ITGA6: variants seen among roughly 807,000 people sequenced by gnomAD.
ITGA6 encodes the protein integrin alpha-6.
ITGA6 carries 63 observed loss-of-function variants against 133.6 expected under a neutral mutation model. The observed-to-expected ratio is 0.47, with a 90% CI of 0.38 to 0.58. ITGA6 has a LOEUF of 0.58. Among genes scored for constraint, ITGA6 ranks in the 20% least tolerant of loss-of-function variants. The pLI is 0.00. For synonymous variants in ITGA6, 434 were observed against 482.0 expected, an observed-to-expected ratio of 0.90 and a Z score of 1.30; for missense variants, 1,068 against 1,309.4, an observed-to-expected ratio of 0.82 and a Z score of 2.85.
At position 172,427,914 on chromosome 2, in the gene ITGA6, C is replaced by A. The variant is rs1194508063; in HGVS notation, c.126C>A (p.Ser42Arg). The change falls in exon 1 of 26, where the codon AGC becomes AGA. Residue 42 changes from serine (S) to arginine (R), a missense_variant. Transcript: ENST00000684293. ...TCCGGAAATATGGAGACCCCGGGAG[C>A]CTCTTCGGCTTCTCGCTGGCCATGC... ...NVIRKYGDPGSLFGFSLAMHW... is the reference protein window; with the variant it reads ...NVIRKYGDPGRLFGFSLAMHW... 3 of 1,607,014 alleles carry A rather than the reference C, an allele frequency of 1.9e-6. No individual in the cohort carries two copies. The highest frequency in any genetic ancestry group is 3.4e-5 in the Admixed American group (2 of 59,074).
chr2:172,476,163 G>T (rs575058524), intron 8 of ITGA6, among the ~76,000 whole-genome samples: 1 of 152,296 alleles, frequency 6.6e-6, no homozygotes, highest in South Asian at 2.1e-4. Context: ...AAGCTCATCA[G>T]AAATGGGCTC....
At position 172,485,040 on chromosome 2, in the gene ITGA6, A is replaced by G. The variant is rs115202773; in HGVS notation, c.1711-81A>G. 7.7e-4 allele frequency: 1,230 copies of G among 1,591,972 alleles called. 4 individuals carry two copies. The African/African-American group carries it at 0.011, about 14-fold the overall frequency. On this transcript the variant is annotated intron_variant, in intron 12 of 25. Coordinates refer to ENST00000684293, the MANE Select transcript of ITGA6 (RefSeq NM_000210.4). ...CTGAAATTTATTCTGGCAACCTCTT[A>G]ATCAATACAAAATCATTGTTTTGGA...
intron 1 of ITGA6, among the ~76,000 whole-genome samples, chr2:172,452,682 C>A (rs10197251): frequency 0.11 from 16,132 of 152,200 alleles, 1,669 homozygotes; most frequent in East Asian, 0.52. Flanking sequence ...AAATTAGAAA[C>A]AAAGTTCAAG....
chr2:172,459,221 G>A (rs181320684), intron 1 of ITGA6, among the ~76,000 whole-genome samples: 146 of 152,324 alleles, frequency 9.6e-4, no homozygotes, highest in African/African-American at 3.3e-3. Context: ...AGAACGTGGT[G>A]GAGCACGGTG....
chr2:172,490,176 C>T (rs1686860414), intron 20 of ITGA6, among the ~76,000 whole-genome samples: 1 of 152,126 alleles, frequency 6.6e-6, no homozygotes, highest in African/African-American at 2.4e-5. Flanking sequence ...CTGGATGGTC[C>T]TATGAGGGCG....
intron 25 of ITGA6, chr2:172,503,730 C>A (rs1392658300): frequency 6.4e-6 from 1 of 156,744 alleles, no homozygotes; most frequent in African/African-American, 2.4e-5. Flanking sequence ...AAAAATTATT[C>A]TTAATCTAAT....
At position 172,504,256 on chromosome 2, in the gene ITGA6, G is replaced by C. The variant is rs1687469939; in HGVS notation, c.*188G>C. On this transcript the variant is annotated 3_prime_UTR_variant, in exon 26 of 26. Coordinates refer to ENST00000684293, the MANE Select transcript of ITGA6 (RefSeq NM_000210.4). ...CGAAAATGAAAGCTACTCATAGCGG[G>C]GGCCTAAAAAAAAAAAGCTTCACAG... The C allele has an allele frequency of 6.5e-7, 1 of 1,540,592 alleles. No homozygotes were observed. Among genetic ancestry groups the C allele is most frequent in the African/African-American group, 1.4e-5 (1 of 70,434 alleles).
At chr2:172,465,456 C>A in intron 1 of ITGA6, 83 bp from the exon 2 acceptor site, 1 of 1,500,728 alleles carries the variant, frequency 6.7e-7, no homozygotes, top group Non-Finnish European at 9.2e-7. Context: ...AAGAATAATC[C>A]CACTATCTCC....
chr2:172,449,680 T>A (rs1684903606), intron 1 of ITGA6, among the ~76,000 whole-genome samples: 1 of 152,104 alleles, frequency 6.6e-6, no homozygotes, highest in African/African-American at 2.4e-5. Flanking sequence ...GTGTGGTGGT[T>A]CACGCCTATA....
chr2:172,465,669 T>C lies in ITGA6; in HGVS notation c.307+6T>C. The C allele has an allele frequency of 1.2e-6, 2 of 1,614,124 alleles. No homozygotes were observed. Among genetic ancestry groups the C allele is most frequent in the South Asian group, 2.2e-5 (2 of 91,084 alleles). ...GATCGAGTTTGATAACGATGGTGCGTTCCTTTCCCTCACTCAGCGTTCACT... is the reference window on the plus strand; with the variant it reads ...GATCGAGTTTGATAACGATGGTGCGCTCCTTTCCCTCACTCAGCGTTCACT... On this transcript the variant is annotated splice_donor_region_variant and intron_variant, in intron 2 of 25. Transcript: ENST00000684293.
rs1304448004 is a variant in ITGA6, at chr2:172,484,942, G to C, written c.1710G>C (p.Gln570His). The change falls in exon 12 of 26, where the codon CAG becomes CAC. Residue 570 changes from glutamine (Q) to histidine (H), a missense_variant and splice_region_variant. By Grantham distance (24) the Gln-to-His change is conservative. Coordinates refer to ENST00000684293, the MANE Select transcript of ITGA6 (RefSeq NM_000210.4). ...GCATGGAGGAAACCCTGTGGCTACA[G>C]GTGAGGGCTGCAGATGGTCACATCT... Reference protein sequence around the residue: ...KVCMEETLWLQDNIRDKLRPI... With the variant: ...KVCMEETLWLHDNIRDKLRPI... 6.2e-7 allele frequency: 1 copy of C among 1,614,118 alleles called. No homozygotes were observed. Among genetic ancestry groups the C allele is most frequent in the Non-Finnish European group, 8.5e-7 (1 of 1,179,942 alleles).
rs1684779652 is a variant in ITGA6, at chr2:172,446,634, C to T, written c.182+18664C>T. ...AAAGGAAAACTCACTAGAGATTGGACTCCAAATCACAAATGTCATTTGGCA... is the reference window on the plus strand; with the variant it reads ...AAAGGAAAACTCACTAGAGATTGGATTCCAAATCACAAATGTCATTTGGCA... On this transcript the variant is annotated intron_variant, in intron 1 of 25. Transcript: ENST00000684293. 2.0e-5 allele frequency among the ~76,000 whole-genome samples: 3 copies of T among 152,220 alleles called. No individual in the cohort carries two copies. In the South Asian group the frequency reaches 6.2e-4, roughly 31 times the overall value.
At position 172,472,760 on chromosome 2, in the gene ITGA6, G is replaced by C. The variant is rs779062541; in HGVS notation, c.776-1295G>C. 38 of 1,519,570 alleles carry C rather than the reference G, an allele frequency of 2.5e-5. 1 individual carries two copies. In the Admixed American group the frequency reaches 6.2e-4, roughly 25 times the overall value. The allele number at this position is 1,519,570 out of a possible 1,614,324, so 94.1% of individuals were successfully genotyped here. ...CTTTTTCTTCAATTTCTTCCGTCCC[G>C]TGCATGCGTACAGGCCTGCTGTTTT... On this transcript the variant is annotated intron_variant, in intron 5 of 25. Transcript: ENST00000684293.
Position 172,474,262 on chromosome 2 carries a change from A to G in ITGA6, c.983A>G (p.Asp328Gly), listed in dbSNP as rs1686067388. The G allele has an allele frequency of 1.9e-6, 3 of 1,613,256 alleles. No homozygotes were observed. Among genetic ancestry groups the G allele is most frequent in the Non-Finnish European group, 2.5e-6 (3 of 1,179,506 alleles). The change falls in exon 6 of 26, where the codon GAT becomes GGT. Residue 328 changes from aspartate (D) to glycine (G), a missense_variant. By Grantham distance (94) the Asp-to-Gly change is moderately conservative. This residue lies in a region of ITGA6 where 317 missense variants were observed against 456.9 expected (regional missense o/e 0.69). Transcript: ENST00000684293. ...GTGGCGGTGGTGGACCTCAACAAGG[A>G]TGGGTGAGAAAGCCTCAGGTTATAT... ...YDVAVVDLNKDGWQDIVIGAP... is the reference protein window; with the variant it reads ...YDVAVVDLNKGGWQDIVIGAP...
chr2:172,493,080 G>GT (rs11297197), intron 23 of ITGA6, among the ~76,000 whole-genome samples: 5 of 151,470 alleles, frequency 3.3e-5, no homozygotes, highest in Non-Finnish European at 5.9e-5. Context: ...TAATTTTTCA[G>GT]TTTTTTTTGT....
chr2:172,468,319 T>C (rs3792256), intron 3 of ITGA6, among the ~76,000 whole-genome samples: 22,083 of 152,228 alleles, frequency 0.15, 1,724 homozygotes, highest in Non-Finnish European at 0.17. Context: ...ATGGTCATGG[T>C]AAGGCCTTCC....
intron 3 of ITGA6, among the ~76,000 whole-genome samples, chr2:172,468,498 G>T (rs1379732342): frequency 6.6e-6 from 1 of 152,182 alleles, no homozygotes; most frequent in African/African-American, 2.4e-5. Context: ...TTACATGGAG[G>T]TTAGCCATTC....
At chr2:172,481,437 T>C (rs1686435881) in intron 11 of ITGA6, among the ~76,000 whole-genome samples, 1 of 152,196 alleles carries the variant, frequency 6.6e-6, no homozygotes, top group African/African-American at 2.4e-5. Flanking sequence ...ATAACACTAA[T>C]GAATGTATCC....
chr2:172,504,141 T>C lies in ITGA6; in HGVS notation c.*73T>C, dbSNP rs1382305379. 1 of 1,600,280 alleles carries C rather than the reference T, an allele frequency of 6.2e-7. No individual in the cohort carries two copies. Among genetic ancestry groups the C allele is most frequent in the Admixed American group, 1.7e-5 (1 of 58,094 alleles). On this transcript the variant is annotated 3_prime_UTR_variant, in exon 26 of 26. Transcript: ENST00000684293. Reference sequence around the variant, plus strand: ...ACGATGACAGTGTTCCCCGATACCATGCTGTAAGGATCCGGAAAGAAGAGC... The same window carrying C: ...ACGATGACAGTGTTCCCCGATACCACGCTGTAAGGATCCGGAAAGAAGAGC...
Sources: gnomAD v4.1 joint callset for allele counts (sites outside exome capture counted in the v4.1 genomes callset) on GRCh38, gnomAD v4.1.1 for gene constraint, gnomAD v4.1.1 regional missense constraint, MANE v1.5 for transcripts, NCBI Gene and HGNC (gene_info 2026-07-23, HGNC 2026-07-21) for gene names.